Variants in TMEM132C observed in about 807,000 individuals in gnomAD.
TMEM132C encodes transmembrane protein 132C, also known as protein phosphatase 1, regulatory subunit 152.
A neutral mutation model predicts 61.4 loss-of-function variants in TMEM132C; 29 were observed. That is an observed-to-expected ratio of 0.47 (90% CI 0.35 to 0.64). The LOEUF (loss-of-function observed/expected upper bound fraction) is 0.64, where lower values mean the gene tolerates loss of function less well. Ranked by LOEUF, TMEM132C falls within the 30% of genes least tolerant of loss-of-function variation. The pLI is 0.00. For synonymous variants in TMEM132C, 656 were observed against 633.1 expected, an observed-to-expected ratio of 1.04 and a Z score of -0.54; for missense variants, 1,408 against 1,476.9, an observed-to-expected ratio of 0.95 and a Z score of 0.76.
At chr12:128,433,910 T>G (rs1869486328) in intron 2 of TMEM132C, among the ~76,000 whole-genome samples, 1 of 152,236 alleles carries the variant, frequency 6.6e-6, no homozygotes, top group Non-Finnish European at 1.5e-5. Flanking sequence ...GAGATGGAAC[T>G]AAGAGAAAAT....
At chr12:128,286,595 A>T (rs1399338391) in intron 1 of TMEM132C, among the ~76,000 whole-genome samples, 1 of 152,194 alleles carries the variant, frequency 6.6e-6, no homozygotes, top group African/African-American at 2.4e-5. Flanking sequence ...AAAATTGTTA[A>T]ATGCTGTGTG....
At chr12:128,565,144 G>A (rs1486164443) in intron 3 of TMEM132C, among the ~76,000 whole-genome samples, 4 of 152,206 alleles carry the variant, frequency 2.6e-5, no homozygotes, top group African/African-American at 9.7e-5. Flanking sequence ...AGCCCGCCTG[G>A]CAGAGAACTG....
chr12:128,636,632 C>T lies in TMEM132C; in HGVS notation c.1305+20297C>T, dbSNP rs148210691. On this transcript the variant is annotated intron_variant, in intron 4 of 8. Transcript: ENST00000435159. ...TTAAGAACACTTAACATGAGATCCA[C>T]CCCCTTAACACTAGTTTTAAGTGCA... 5.3e-5 allele frequency among the ~76,000 whole-genome samples: 8 copies of T among 151,256 alleles called. No homozygotes were observed. In the East Asian group the frequency reaches 1.6e-3, roughly 29 times the overall value.
At position 128,368,584 on chromosome 12, in the gene TMEM132C, CA is replaced by C. The variant is rs1211353895; in HGVS notation, c.86-46145del. On this transcript the variant is annotated intron_variant, in intron 1 of 8. Coordinates refer to ENST00000435159, the MANE Select transcript of TMEM132C (RefSeq NM_001136103.3). ...ACAATGATGACCATCCTTGATTTAG[CA>C]AAGGAGGGTGGGCATGAAGGTGTAA... Among the ~76,000 whole-genome samples, 4 of 152,164 alleles carry C rather than the reference CA, an allele frequency of 2.6e-5. No homozygotes were observed. In the East Asian group the frequency reaches 7.7e-4, roughly 29 times the overall value.
intron 2 of TMEM132C, among the ~76,000 whole-genome samples, chr12:128,534,350 C>T (rs865857232): frequency 2.0e-5 from 3 of 152,196 alleles, no homozygotes; most frequent in African/African-American, 4.8e-5. Context: ...CTGAGTCCCA[C>T]GTGGATGCAT....
At chr12:128,663,715 A>C (rs112162062) in intron 4 of TMEM132C, among the ~76,000 whole-genome samples, 92 of 141,570 alleles carry the variant, frequency 6.5e-4, no homozygotes, top group East Asian at 4.1e-3. Flanking sequence ...GCGTGTGTGT[A>C]TGTGTGTGTG....
At chr12:128,525,549 T>A (rs1248167406) in intron 2 of TMEM132C, among the ~76,000 whole-genome samples, 1 of 152,190 alleles carries the variant, frequency 6.6e-6, no homozygotes, top group Non-Finnish European at 1.5e-5. Context: ...AGTAACACCA[T>A]GTGCTCTGTG....
chr12:128,520,799 T>G (rs1872881703), intron 2 of TMEM132C, among the ~76,000 whole-genome samples: 1 of 152,128 alleles, frequency 6.6e-6, no homozygotes, highest in African/African-American at 2.4e-5. Flanking sequence ...GACTAAGAGT[T>G]TTTAAGGATT....
At chr12:128,525,547 C>T (rs1187143507) in intron 2 of TMEM132C, among the ~76,000 whole-genome samples, 1 of 152,096 alleles carries the variant, frequency 6.6e-6, no homozygotes, top group African/African-American at 2.4e-5. Context: ...ATAGTAACAC[C>T]ATGTGCTCTG....
At chr12:128,536,749 TTG>T (rs55718178) in intron 2 of TMEM132C, among the ~76,000 whole-genome samples, 82,485 of 151,320 alleles carry the variant, frequency 0.55, 23,298 homozygotes, top group Non-Finnish European at 0.62. Flanking sequence ...TAGGGGGTGC[TTG>T]TGTGTGTGTG....
chr12:128,596,223 G>A (rs1325802761), intron 3 of TMEM132C, among the ~76,000 whole-genome samples: 1 of 151,662 alleles, frequency 6.6e-6, no homozygotes, highest in Admixed American at 6.6e-5. Flanking sequence ...CGCAGGTCCT[G>A]GTACAGAGGC....
rs1372011489 is a variant in TMEM132C at position 128,287,984 on chromosome 12, G to A, written c.85+20497G>A. On this transcript the variant is annotated intron_variant, in intron 1 of 8. Coordinates refer to ENST00000435159, the MANE Select transcript of TMEM132C (RefSeq NM_001136103.3). ...CTTCCGGACATTGAGTTCTGAATTG[G>A]GATGATTGTGTGTTTGGTGCAGTCT... 3.3e-5 allele frequency among the ~76,000 whole-genome samples: 5 copies of A among 152,024 alleles called. No homozygotes were observed. The East Asian group carries it at 7.7e-4, about 23-fold the overall frequency.
chr12:128,521,811 T>A (rs987966851), intron 2 of TMEM132C, among the ~76,000 whole-genome samples: 12 of 152,176 alleles, frequency 7.9e-5, no homozygotes, highest in Admixed American at 2.0e-4. Flanking sequence ...CCACAATTTT[T>A]AAAAAATATT....
Position 128,310,644 on chromosome 12 carries a change from G to A in TMEM132C, c.85+43157G>A, listed in dbSNP as rs79129667. 1.9e-3 allele frequency among the ~76,000 whole-genome samples: 294 copies of A among 152,142 alleles called. 1 individual carries two copies. Among genetic ancestry groups the A allele is most frequent in the African/African-American group, 6.8e-3 (283 of 41,494 alleles). On this transcript the variant is annotated intron_variant, in intron 1 of 8. Coordinates refer to ENST00000435159, the MANE Select transcript of TMEM132C (RefSeq NM_001136103.3). Reference sequence around the variant, plus strand: ...AGCCATTCATGAGGGATCCACCCCCGTAATCCAGACACCTCCCACCAGACC... The same window carrying A: ...AGCCATTCATGAGGGATCCACCCCCATAATCCAGACACCTCCCACCAGACC...
chr12:128,400,150 T>G (rs1406994601), intron 1 of TMEM132C: 1 of 152,284 alleles, frequency 6.6e-6, no homozygotes, highest in Non-Finnish European at 1.5e-5. Flanking sequence ...GGAAGTCCAC[T>G]GGCTCACATG....
intron 1 of TMEM132C, among the ~76,000 whole-genome samples, chr12:128,401,132 A>G (rs1275584314): frequency 3.9e-5 from 6 of 152,314 alleles, no homozygotes; most frequent in Admixed American, 2.6e-4. Flanking sequence ...ACAGGCTGCA[A>G]GCTAAATACG....
chr12:128,475,552 A>G (rs1336821262), intron 2 of TMEM132C, among the ~76,000 whole-genome samples: 4 of 152,056 alleles, frequency 2.6e-5, no homozygotes, highest in Admixed American at 2.0e-4. Context: ...ATTACATGGT[A>G]TGTGAATTAT....
At chr12:128,700,945 C>A (rs1459087990) in intron 8 of TMEM132C, among the ~76,000 whole-genome samples, 1 of 152,108 alleles carries the variant, frequency 6.6e-6, no homozygotes, top group Non-Finnish European at 1.5e-5. Flanking sequence ...GAAGACAATA[C>A]CAGTAGAGAA....
intron 2 of TMEM132C, among the ~76,000 whole-genome samples, chr12:128,475,114 A>C (rs1871113232): frequency 6.6e-6 from 1 of 151,914 alleles, no homozygotes; most frequent in South Asian, 2.1e-4. Flanking sequence ...CAGGGCTTCA[A>C]CTCCAGGGAC....
Sources: gnomAD v4.1 joint callset for allele counts (sites outside exome capture counted in the v4.1 genomes callset) on GRCh38, gnomAD v4.1.1 for gene constraint, MANE v1.5 for transcripts, NCBI Gene and HGNC (gene_info 2026-07-23, HGNC 2026-07-21) for gene names.